The following ADGRF5 variants were observed in gnomAD, a reference collection of about 807,000 sequenced individuals.
The protein encoded by ADGRF5 is adhesion G protein-coupled receptor F5, also known as G-protein coupled receptor 116.
Under a neutral mutation model 132.3 loss-of-function variants are expected in ADGRF5, and 75 were observed. The ratio of observed to expected loss-of-function variants is 0.57; its 90% confidence interval spans 0.47 to 0.69. The LOEUF is 0.69. Ranked by LOEUF, ADGRF5 falls within the 30% of genes least tolerant of loss-of-function variation. The pLI, the probability that ADGRF5 is intolerant of heterozygous loss-of-function variation, is 0.00. For synonymous variants in ADGRF5, 629 were observed against 597.6 expected (o/e 1.05, Z -0.77); for missense variants, 1,516 against 1,630.6 (o/e 0.93, Z 1.21).
At chr6:46,936,350 C>T (rs1430070726) in intron 1 of ADGRF5, among the ~76,000 whole-genome samples, 2 of 152,184 alleles carry the variant, frequency 1.3e-5, no homozygotes. Flanking sequence ...TCATATGGTG[C>T]TGAGGTCCTT....
At chr6:46,902,264 A>G (rs1427853013) in intron 2 of ADGRF5, among the ~76,000 whole-genome samples, 1 of 151,952 alleles carries the variant, frequency 6.6e-6, no homozygotes, top group Non-Finnish European at 1.5e-5. Flanking sequence ...GGTGGGGAGG[A>G]GGGAGTGGCC....
chr6:46,948,784 C>T (rs926773524), intron 1 of ADGRF5, among the ~76,000 whole-genome samples: 4 of 152,138 alleles, frequency 2.6e-5, no homozygotes, highest in African/African-American at 9.7e-5. Context: ...CCAGAGTTGG[C>T]GGGCAATCTC....
intron 1 of ADGRF5, among the ~76,000 whole-genome samples, chr6:46,932,872 C>G (rs912165689): frequency 6.6e-6 from 1 of 152,128 alleles, no homozygotes; most frequent in Non-Finnish European, 1.5e-5. Context: ...AATGCCCTTT[C>G]AAGAATACAT....
intron 10 of ADGRF5, among the ~76,000 whole-genome samples, chr6:46,876,304 A>C (rs1376820638): frequency 6.6e-6 from 1 of 152,212 alleles, no homozygotes; most frequent in Non-Finnish European, 1.5e-5. Flanking sequence ...TCTGCGCCAC[A>C]GACTTCCTGA....
chr6:46,905,726 C>T (rs1289014057), intron 2 of ADGRF5, among the ~76,000 whole-genome samples: 3 of 150,024 alleles, frequency 2.0e-5, no homozygotes, highest in African/African-American at 7.6e-5. Context: ...AAAAACATAC[C>T]AATGAACCTC....
Position 46,902,488 on chromosome 6 carries a change from C to T in ADGRF5, c.103-2405G>A, listed in dbSNP as rs565618042. On this transcript the variant is annotated intron_variant, in intron 2 of 20. Transcript: ENST00000283296. ...GATATATTTCAATTATCTAATGCAGCATATTTCAACTCTTTGTAAGAATCA... is the reference window on the plus strand; with the variant it reads ...GATATATTTCAATTATCTAATGCAGTATATTTCAACTCTTTGTAAGAATCA... Among the ~76,000 whole-genome samples, 5 of 152,342 alleles carry T rather than the reference C, an allele frequency of 3.3e-5. No homozygotes were observed. The East Asian group carries it at 7.7e-4, about 23-fold the overall frequency.
intron 1 of ADGRF5, among the ~76,000 whole-genome samples, chr6:46,912,448 G>T (rs1219119078): frequency 6.6e-6 from 1 of 152,140 alleles, no homozygotes; most frequent in Admixed American, 6.5e-5. Context: ...CTGCAAGCAG[G>T]CCAGAGTGGC....
chr6:46,947,010 C>T (rs1364637033), intron 1 of ADGRF5, among the ~76,000 whole-genome samples: 1 of 152,174 alleles, frequency 6.6e-6, no homozygotes, highest in Non-Finnish European at 1.5e-5. Flanking sequence ...TTTGCACTCT[C>T]ATTTGCAACA....
chr6:46,918,740 T>C (rs924702965), intron 1 of ADGRF5, among the ~76,000 whole-genome samples: 1 of 152,190 alleles, frequency 6.6e-6, no homozygotes, highest in Admixed American at 6.5e-5. Flanking sequence ...TCCTCTTCAT[T>C]CTGATGTGCA....
chr6:46,905,079 G>A (rs182856384), intron 2 of ADGRF5, among the ~76,000 whole-genome samples: 1 of 152,172 alleles, frequency 6.6e-6, no homozygotes, highest in African/African-American at 2.4e-5. Context: ...GTGACATAGA[G>A]AGAAGGCATT....
chr6:46,930,653 TTATG>T (rs1027034848), intron 1 of ADGRF5, among the ~76,000 whole-genome samples: 1 of 152,176 alleles, frequency 6.6e-6, no homozygotes, highest in Non-Finnish European at 1.5e-5. Flanking sequence ...ATCCTATTAT[TTATG>T]TTAGTTTTCT....
intron 6 of ADGRF5, among the ~76,000 whole-genome samples, chr6:46,882,717 G>T (rs996293228): frequency 1.3e-5 from 2 of 152,360 alleles, no homozygotes; most frequent in East Asian, 3.9e-4. Context: ...TGTAGTGTGT[G>T]TGTGAGGAGG....
upstream of ADGRF5, among the ~76,000 whole-genome samples, chr6:46,923,689 TC>T (rs989975596): frequency 6.6e-5 from 10 of 152,164 alleles, no homozygotes; most frequent in Non-Finnish European, 1.5e-4. Context: ...TCCCTTTCCT[TC>T]CCTGAGGAGC....
intron 4 of ADGRF5, among the ~76,000 whole-genome samples, chr6:46,884,909 A>G (rs1772890074): frequency 6.6e-6 from 1 of 152,200 alleles, no homozygotes; most frequent in Non-Finnish European, 1.5e-5. Context: ...TAGCTTAGAA[A>G]TAAATTTTAC....
At chr6:46,857,703 T>C (rs958278712) in intron 17 of ADGRF5, among the ~76,000 whole-genome samples, 3 of 152,228 alleles carry the variant, frequency 2.0e-5, no homozygotes, top group Non-Finnish European at 4.4e-5. Flanking sequence ...ATTTATTTCA[T>C]TCAAATGATT....
chr6:46,916,557 C>A (rs777417445), intron 1 of ADGRF5, among the ~76,000 whole-genome samples: 1 of 152,246 alleles, frequency 6.6e-6, no homozygotes, highest in South Asian at 2.1e-4. Context: ...GACATTGGGC[C>A]ACTACATTGG....
intron 17 of ADGRF5, 105 bp downstream of exon 17, chr6:46,858,024 T>A: frequency 1.2e-6 from 1 of 811,516 alleles, no homozygotes; most frequent in African/African-American, 1.7e-5. Context: ...TGAGGCTTCC[T>A]CTGGGCTGAA....
At chr6:46,907,373 AT>A (rs566175342) in intron 1 of ADGRF5, among the ~76,000 whole-genome samples, 2 of 151,538 alleles carry the variant, frequency 1.3e-5, no homozygotes, top group Non-Finnish European at 2.9e-5. Flanking sequence ...TTATTTATTT[AT>A]TTTTTTTATT....
chr6:46,860,668 G>C (rs41273666), intron 16 of ADGRF5, 47 bp downstream of exon 16: 548 of 1,387,780 alleles, frequency 3.9e-4, no homozygotes, highest in Non-Finnish European at 5.3e-4. Context: ...ATTCTGAGGG[G>C]TGAAAAGGTA....
Sources: gnomAD v4.1 joint callset for allele counts (sites outside exome capture counted in the v4.1 genomes callset) on GRCh38, gnomAD v4.1.1 for gene constraint, MANE v1.5 for transcripts, NCBI Gene and HGNC (gene_info 2026-07-23, HGNC 2026-07-21) for gene names.